The following VPS13B variants were observed in gnomAD, a reference collection of about 807,000 sequenced individuals.
The protein encoded by VPS13B is intermembrane lipid transfer protein VPS13B.
In VPS13B, 285 loss-of-function variants were observed where a neutral mutation model predicts 426.4. The ratio of observed to expected loss-of-function variants is 0.67; its 90% CI spans 0.61 to 0.74. The LOEUF is 0.74. VPS13B is among the 30% of genes least tolerant of loss of function. VPS13B has a pLI of 0.00. For missense variants in VPS13B, 4,537 were observed against 4,782.6 expected, an observed-to-expected ratio of 0.95 and a Z score of 1.51; for synonymous variants, 1,676 against 1,676.4, an observed-to-expected ratio of 1.00 and a Z score of 0.01.
chr8:99,298,689 C>T (rs1362051143), intron 19 of VPS13B, among the ~76,000 whole-genome samples: 3 of 152,222 alleles, frequency 2.0e-5, no homozygotes, highest in Non-Finnish European at 4.4e-5. Flanking sequence ...GTTTCATTAT[C>T]CCAACACTGT....
At chr8:99,157,112 T>A (rs1028075279) in intron 15 of VPS13B, among the ~76,000 whole-genome samples, 3 of 152,174 alleles carry the variant, frequency 2.0e-5, no homozygotes, top group African/African-American at 7.2e-5. Flanking sequence ...TGAGGCATAA[T>A]GAGGCATAAA....
rs549025939 is a variant in VPS13B, at chr8:99,115,890, A to G, written c.937+16A>G. On this transcript the variant is annotated intron_variant, in intron 7 of 61. Coordinates refer to ENST00000357162, the MANE Select transcript of VPS13B (RefSeq NM_152564.5). ...AACATTACAGGTAATGTAAAACTTTATTAAACAAAAACTTTATTTTAAGAC... is the reference window on the plus strand; with the variant it reads ...AACATTACAGGTAATGTAAAACTTTGTTAAACAAAAACTTTATTTTAAGAC... 2 of 1,608,726 alleles carry G rather than the reference A, an allele frequency of 1.2e-6. No homozygotes were observed. Among genetic ancestry groups the G allele is most frequent in the Non-Finnish European group, 1.7e-6 (2 of 1,178,026 alleles).
At chr8:99,337,966 C>T (rs1416668041) in intron 19 of VPS13B, among the ~76,000 whole-genome samples, 1 of 151,968 alleles carries the variant, frequency 6.6e-6, no homozygotes, top group African/African-American at 2.4e-5. Flanking sequence ...AAGACTTTCC[C>T]CATTCAGTGC....
intron 43 of VPS13B, among the ~76,000 whole-genome samples, chr8:99,798,242 AAG>A (rs1812953937): frequency 6.6e-6 from 1 of 151,902 alleles, no homozygotes; most frequent in South Asian, 2.1e-4. Context: ...AAAAAAAAAA[AAG>A]GTAGTCTGTA....
At chr8:99,563,218 A>C (rs1825021495) in intron 31 of VPS13B, among the ~76,000 whole-genome samples, 1 of 152,238 alleles carries the variant, frequency 6.6e-6, no homozygotes, top group Non-Finnish European at 1.5e-5. Flanking sequence ...AGTGTATGCC[A>C]TCAAAGGTCT....
intron 54 of VPS13B, among the ~76,000 whole-genome samples, chr8:99,844,174 A>C (rs1815857081): frequency 1.3e-5 from 2 of 152,152 alleles, no homozygotes; most frequent in Admixed American, 1.3e-4. Context: ...TCAGGCTGCT[A>C]TATCAAAATA....
intron 35 of VPS13B, among the ~76,000 whole-genome samples, chr8:99,684,524 G>A (rs930861348): frequency 3.3e-5 from 5 of 152,132 alleles, no homozygotes; most frequent in Admixed American, 1.3e-4. Context: ...CATTAGTCTA[G>A]GATAAGGGGG....
chr8:99,842,931 T>C (rs1815786044), intron 54 of VPS13B, among the ~76,000 whole-genome samples: 1 of 152,114 alleles, frequency 6.6e-6, no homozygotes, highest in Non-Finnish European at 1.5e-5. Flanking sequence ...GACAGGCAGA[T>C]TGCTTGAGCC....
intron 54 of VPS13B, among the ~76,000 whole-genome samples, chr8:99,842,988 A>G (rs1815788772): frequency 6.6e-6 from 1 of 152,086 alleles, no homozygotes; most frequent in African/African-American, 2.4e-5. Flanking sequence ...TTCTGTTGCT[A>G]TGAAAAATAC....
At chr8:99,431,685 A>G in intron 22 of VPS13B, 21 bp downstream of exon 22, 1 of 1,606,386 alleles carries the variant, frequency 6.2e-7, no homozygotes, top group Non-Finnish European at 8.5e-7. Flanking sequence ...AGTTAGAAAT[A>G]TTATGGATAT....
At chr8:99,193,830 T>C (rs982043798) in intron 17 of VPS13B, among the ~76,000 whole-genome samples, 2 of 152,182 alleles carry the variant, frequency 1.3e-5, no homozygotes, top group Non-Finnish European at 2.9e-5. Flanking sequence ...TAATGTAAAA[T>C]ACAGGTTGAT....
At chr8:99,548,098 A>G (rs1824086858) in intron 30 of VPS13B, among the ~76,000 whole-genome samples, 2 of 152,094 alleles carry the variant, frequency 1.3e-5, no homozygotes. Flanking sequence ...TCTGGTCCTC[A>G]CCATAGGACC....
intron 3 of VPS13B, among the ~76,000 whole-genome samples, chr8:99,052,998 A>G (rs1563508658): frequency 1.3e-5 from 2 of 151,608 alleles, no homozygotes; most frequent in African/African-American, 4.8e-5. Flanking sequence ...GGATTCATTG[A>G]TTTTTTGAAG....
chr8:99,478,466 GTTT>G lies in VPS13B; in HGVS notation c.3667-3129_3667-3127del, dbSNP rs1382871790. ...TGTTTTGTTTTTTTTTTTTTTTTTT[GTTT>G]TTTGTTTTTTTTTTTTTGCCGAGGC... On this transcript the variant is annotated intron_variant, in intron 24 of 61. Coordinates refer to ENST00000357162, the MANE Select transcript of VPS13B (RefSeq NM_152564.5). Among the ~76,000 whole-genome samples the G allele has an allele frequency of 1.9e-4, 8 of 41,966 alleles. No individual in the cohort carries two copies. In the East Asian group the frequency reaches 2.5e-3, roughly 13 times the overall value. 27.5% of individuals were successfully genotyped at this position (41,966 alleles called of 152,430 possible).
At chr8:99,821,068 T>G (rs1303331121) in intron 49 of VPS13B, among the ~76,000 whole-genome samples, 1 of 97,218 alleles carries the variant, frequency 1.0e-5, no homozygotes, top group South Asian at 3.1e-4. Context: ...AAAAATACAT[T>G]GGGAGCCAAA....
At chr8:99,535,925 C>T (rs1403252732) in intron 30 of VPS13B, among the ~76,000 whole-genome samples, 1 of 151,718 alleles carries the variant, frequency 6.6e-6, no homozygotes, top group East Asian at 1.9e-4. Flanking sequence ...TCATATAATT[C>T]AAAATATAAA....
intron 39 of VPS13B, among the ~76,000 whole-genome samples, chr8:99,759,818 G>A (rs1385210626): frequency 6.6e-6 from 1 of 152,044 alleles, no homozygotes; most frequent in African/African-American, 2.4e-5. Context: ...CAATCAATAA[G>A]ACTTATTAAT....
chr8:99,843,310 A>G (rs1391697918), intron 54 of VPS13B, among the ~76,000 whole-genome samples: 1 of 152,052 alleles, frequency 6.6e-6, no homozygotes, highest in Admixed American at 6.6e-5. Flanking sequence ...GAACCAAATG[A>G]TGGCATTGAT....
intron 21 of VPS13B, chr8:99,429,552 A>G (rs946565161): frequency 2.0e-5 from 3 of 152,050 alleles, no homozygotes; most frequent in Admixed American, 2.0e-4. Context: ...TTTCTTCTCA[A>G]ATGTGCTTTT....
Sources: allele counts gnomAD v4.1 joint callset (sites outside exome capture counted in the v4.1 genomes callset), GRCh38; gene constraint gnomAD v4.1.1; transcripts MANE v1.5; gene names NCBI Gene and HGNC (gene_info 2026-07-23, HGNC 2026-07-21).